The following RGS7 variants were observed in gnomAD, a reference collection of about 807,000 sequenced individuals.
RGS7 encodes regulator of G-protein signaling 7.
A neutral mutation model predicts 81.1 loss-of-function variants in RGS7; 27 were observed. The ratio of observed to expected loss-of-function variants is 0.33; its 90% CI spans 0.25 to 0.46. The LOEUF (loss-of-function observed/expected upper bound fraction) is 0.46. Among genes scored for constraint, RGS7 ranks in the 20% least tolerant of loss-of-function variants. The probability of loss-of-function intolerance (pLI) is 1.00; values close to 1 mark genes in which losing one functional copy is unlikely to be tolerated. For missense variants in RGS7, 396 were observed against 607.4 expected (o/e 0.65, Z 3.66); for synonymous variants, 208 against 207.7 (o/e 1.00, Z -0.01).
chr1:240,941,903 C>T (rs144990981), intron 4 of RGS7, among the ~76,000 whole-genome samples: 5 of 151,192 alleles, frequency 3.3e-5, no homozygotes, highest in South Asian at 4.2e-4. Context: ...TCACGCTTCA[C>T]GGCAAAATAA....
rs114705999 is a variant in RGS7, at chr1:240,776,211, C to T, written c.*9G>A. On this transcript the variant is annotated splice_region_variant and 3_prime_UTR_variant, in exon 19 of 19. Transcript: ENST00000440928. The stretch of plus-strand genomic sequence containing the variant: ...TTAACCTCTTGGACGTGAGAGATTT[C>T]CCCTGAGAAAATATATAAAACAAGA... 1 of 1,607,576 alleles carries T rather than the reference C, an allele frequency of 6.2e-7. No individual in the cohort carries two copies. The highest frequency in any genetic ancestry group is 8.5e-7 in the Non-Finnish European group (1 of 1,174,132).
At chr1:241,287,387 C>A (rs568097553) in intron 2 of RGS7, among the ~76,000 whole-genome samples, 1 of 152,090 alleles carries the variant, frequency 6.6e-6, no homozygotes, top group Non-Finnish European at 1.5e-5. Context: ...ATAAGTCTCA[C>A]GAGATCTGAT....
intron 18 of RGS7, among the ~76,000 whole-genome samples, chr1:240,788,813 G>A (rs1411270252): frequency 6.6e-6 from 1 of 152,186 alleles, no homozygotes; most frequent in Non-Finnish European, 1.5e-5. Flanking sequence ...GGTGATTTTT[G>A]AGGTATGGAT....
chr1:241,213,410 T>C (rs139499839), intron 2 of RGS7, among the ~76,000 whole-genome samples: 1 of 152,246 alleles, frequency 6.6e-6, no homozygotes, highest in African/African-American at 2.4e-5. Context: ...AAGCTGGCCG[T>C]AGAACTGGAA....
At chr1:240,960,217 C>CTTCTTTTTTATTTT (rs60911948) in intron 4 of RGS7, among the ~76,000 whole-genome samples, 2 of 8,956 alleles carry the variant, frequency 2.2e-4, no homozygotes, top group South Asian at 0.019. Context: ...TCTTCTTCTT[C>CTTCTTTTTTATTTT]TTTTTTTTTT....
intron 3 of RGS7, among the ~76,000 whole-genome samples, chr1:241,071,019 T>C (rs2062408578): frequency 6.6e-6 from 1 of 152,230 alleles, no homozygotes; most frequent in South Asian, 2.1e-4. Flanking sequence ...CTCTATTTTC[T>C]AACTATATTG....
intron 2 of RGS7, among the ~76,000 whole-genome samples, chr1:241,316,622 G>C (rs2080894100): frequency 6.6e-6 from 1 of 152,172 alleles, no homozygotes; most frequent in Non-Finnish European, 1.5e-5. Flanking sequence ...CTTGGTCCTG[G>C]TGTATGATCC....
At chr1:241,089,063 C>CTATATATATATATATATATA (rs1161090389) in intron 3 of RGS7, among the ~76,000 whole-genome samples, 5 of 23,684 alleles carry the variant, frequency 2.1e-4, no homozygotes, top group Non-Finnish European at 3.0e-4. Context: ...CTCTCTCTCT[C>CTATATATATATATATATATA]TATATATATA....
chr1:240,824,102 C>A lies in RGS7; in HGVS notation c.684+2996G>T, dbSNP rs1448458005. On this transcript the variant is annotated intron_variant, in intron 10 of 18. Transcript: ENST00000440928. ...GACTAATTTTAGATTCTTAACATATCTCAAATCATGCATACAGCAAAGCCT... is the reference window on the plus strand; with the variant it reads ...GACTAATTTTAGATTCTTAACATATATCAAATCATGCATACAGCAAAGCCT... Among the ~76,000 whole-genome samples the A allele has an allele frequency of 2.0e-5, 3 of 152,182 alleles. No homozygotes were observed. The East Asian group carries it at 5.8e-4, about 29-fold the overall frequency.
At chr1:241,065,210 T>G (rs200876988) in intron 3 of RGS7, among the ~76,000 whole-genome samples, 7 of 19,098 alleles carry the variant, frequency 3.7e-4, no homozygotes, top group Admixed American at 1.9e-3. Context: ...ATCATAGAGA[T>G]ATATATATAT....
intron 3 of RGS7, chr1:240,998,522 T>C: frequency 1.0e-6 from 1 of 992,074 alleles, no homozygotes; most frequent in Non-Finnish European, 1.6e-6. Context: ...TTTCTTCTCC[T>C]CAGCTGGAGC....
intron 3 of RGS7, among the ~76,000 whole-genome samples, chr1:241,089,141 G>C (rs536834737): frequency 2.2e-5 from 3 of 138,684 alleles, no homozygotes; most frequent in South Asian, 4.6e-4. Context: ...GGGCATAGGG[G>C]AAAAGGAGGG....
intron 2 of RGS7, among the ~76,000 whole-genome samples, chr1:241,220,997 G>GGA (rs1558203322): frequency 0.059 from 5,239 of 88,720 alleles, 379 homozygotes; most frequent in South Asian, 0.075. Context: ...AAGGAAGGAA[G>GGA]AGAGAGAGAA....
chr1:240,814,864 G>T, intron 11 of RGS7, 87 bp from the exon 12 acceptor site: 1 of 855,194 alleles, frequency 1.2e-6, no homozygotes, highest in South Asian at 1.3e-5. Context: ...GGGCAATTCT[G>T]AACAAGAGTA....
intron 3 of RGS7, among the ~76,000 whole-genome samples, chr1:241,058,191 CAG>C (rs1259229408): frequency 6.6e-6 from 1 of 152,142 alleles, no homozygotes; most frequent in Non-Finnish European, 1.5e-5. Context: ...GGCAAAATGG[CAG>C]AGTTTCACTG....
At chr1:240,803,050 AT>A in intron 15 of RGS7, 57 bp from the exon 16 acceptor site, 1 of 1,195,850 alleles carries the variant, frequency 8.4e-7, no homozygotes, top group Non-Finnish European at 1.3e-6. Context: ...AAAGTAAAAT[AT>A]CATGATGTCA....
intron 7 of RGS7, 22 bp downstream of exon 7, chr1:240,870,033 C>A: frequency 6.2e-7 from 1 of 1,608,000 alleles, no homozygotes; most frequent in Non-Finnish European, 8.5e-7. Context: ...ACTATCTTTG[C>A]CAGAAGGTCC....
At chr1:241,032,820 T>A (rs188083650) in intron 3 of RGS7, among the ~76,000 whole-genome samples, 17 of 152,346 alleles carry the variant, frequency 1.1e-4, no homozygotes, top group Admixed American at 9.2e-4. Flanking sequence ...GATTTTTGCA[T>A]GTTGATTTTG....
At chr1:241,089,502 C>G (rs1428787674) in intron 3 of RGS7, among the ~76,000 whole-genome samples, 1 of 151,958 alleles carries the variant, frequency 6.6e-6, no homozygotes, top group Non-Finnish European at 1.5e-5. Context: ...AAATGAAATA[C>G]AGTCAGAGCC....
Sources: gnomAD v4.1 joint callset for allele counts (sites outside exome capture counted in the v4.1 genomes callset) on GRCh38, gnomAD v4.1.1 for gene constraint, MANE v1.5 for transcripts, NCBI Gene and HGNC (gene_info 2026-07-23, HGNC 2026-07-21) for gene names.